Variants in DOK6 observed in about 807,000 individuals in gnomAD.
DOK6 encodes the protein docking protein 6.
A neutral mutation model predicts 44.0 loss-of-function variants in DOK6; 22 were observed. The ratio of observed to expected loss-of-function variants is 0.50; its 90% confidence interval spans 0.36 to 0.71. DOK6 has a LOEUF of 0.71. Among genes scored for constraint, DOK6 ranks in the 30% least tolerant of loss-of-function variants. The pLI is 0.00. For synonymous variants in DOK6, 166 were observed against 145.5 expected (o/e 1.14, Z -1.01); for missense variants, 340 against 416.4 (o/e 0.82, Z 1.60).
intron 2 of DOK6, among the ~76,000 whole-genome samples, chr18:69,598,728 A>G (rs987242499): frequency 6.6e-6 from 1 of 152,088 alleles, no homozygotes; most frequent in African/African-American, 2.4e-5. Context: ...ATCTTGTACC[A>G]ATAAGGAGTC....
At position 69,700,216 on chromosome 18, in the gene DOK6, CAT is replaced by C. The variant is rs61078235; in HGVS notation, c.599+1640_599+1641del. On this transcript the variant is annotated intron_variant, in intron 5 of 7. Transcript: ENST00000382713. ...TATCAGTTAGTTTTACATATATATA[CAT>C]ATATATATATATATATGAATTGAAT... Among the ~76,000 whole-genome samples, 111 of 124,706 alleles carry C rather than the reference CAT, an allele frequency of 8.9e-4. 3 individuals carry two copies. The highest frequency in any genetic ancestry group is 1.8e-3 in the African/African-American group (61 of 33,460). The allele number at this position is 124,706 out of a possible 152,430, so 81.8% of individuals were successfully genotyped here.
chr18:69,549,122 T>G (rs1032323071), intron 1 of DOK6, among the ~76,000 whole-genome samples: 3 of 149,548 alleles, frequency 2.0e-5, no homozygotes, highest in Non-Finnish European at 4.5e-5. Flanking sequence ...CAACAAAAAA[T>G]TTCTACCTTA....
At chr18:69,832,481 T>C (rs965788455) in intron 7 of DOK6, 9 of 149,052 alleles carry the variant, frequency 6.0e-5, no homozygotes, top group African/African-American at 2.2e-4. Flanking sequence ...TATTGGCCTG[T>C]AGTTTTCTCT....
chr18:69,482,521 A>G (rs1980456753), intron 1 of DOK6, among the ~76,000 whole-genome samples: 1 of 152,074 alleles, frequency 6.6e-6, no homozygotes, highest in Non-Finnish European at 1.5e-5. Flanking sequence ...TAGAACATTA[A>G]GTGTCCTCAT....
At chr18:69,528,020 G>A (rs960720290) in intron 1 of DOK6, among the ~76,000 whole-genome samples, 8 of 151,914 alleles carry the variant, frequency 5.3e-5, no homozygotes, top group African/African-American at 1.7e-4. Flanking sequence ...AAAATTAGCC[G>A]GGCATGATGG....
chr18:69,803,858 A>G (rs1230328531), intron 7 of DOK6, among the ~76,000 whole-genome samples: 1 of 152,132 alleles, frequency 6.6e-6, no homozygotes, highest in Non-Finnish European at 1.5e-5. Context: ...GCTCCGTCTC[A>G]AAAAAATATA....
At chr18:69,521,179 A>G (rs1399729006) in intron 1 of DOK6, among the ~76,000 whole-genome samples, 1 of 151,914 alleles carries the variant, frequency 6.6e-6, no homozygotes. Flanking sequence ...GTTCTTAAAC[A>G]TCTAGCATCT....
intron 1 of DOK6, among the ~76,000 whole-genome samples, chr18:69,459,648 T>C (rs1401940988): frequency 6.6e-6 from 1 of 152,352 alleles, no homozygotes; most frequent in East Asian, 1.9e-4. Context: ...CTTCTGTTTC[T>C]GTATTTATAT....
intron 3 of DOK6, among the ~76,000 whole-genome samples, chr18:69,615,834 AG>A (rs1321803542): frequency 6.6e-6 from 1 of 152,198 alleles, no homozygotes; most frequent in Non-Finnish European, 1.5e-5. Context: ...GGGGTATCAG[AG>A]AAATTGATGT....
intron 4 of DOK6, among the ~76,000 whole-genome samples, chr18:69,692,206 G>C (rs1321501150): frequency 2.0e-5 from 3 of 152,174 alleles, no homozygotes; most frequent in Non-Finnish European, 2.9e-5. Context: ...TGACCTGAAA[G>C]AAGAGGAGAA....
chr18:69,635,056 G>A (rs1984772288), intron 3 of DOK6, among the ~76,000 whole-genome samples: 1 of 152,154 alleles, frequency 6.6e-6, no homozygotes, highest in Non-Finnish European at 1.5e-5. Flanking sequence ...CCAGCCCCAG[G>A]TGGGCTCCAG....
At position 69,843,624 on chromosome 18, in the gene DOK6, T is replaced by C. The variant is rs1227203222; in HGVS notation, c.*2241T>C. The C allele has an allele frequency of 6.7e-6, 1 of 150,100 alleles. No individual in the cohort carries two copies. The highest frequency in any genetic ancestry group is 1.5e-5 in the Non-Finnish European group (1 of 66,616). 9.3% of individuals were successfully genotyped at this position (150,100 alleles called of 1,614,324 possible). A position where few individuals can be genotyped will look rare whatever the true frequency, so the allele number is the denominator to read the frequency against. ...AGATGAGTCTGCTCTTGTGTCTCTTTCTTAGGAGACAAATACCTGTATGTA... is the reference window on the plus strand; with the variant it reads ...AGATGAGTCTGCTCTTGTGTCTCTTCCTTAGGAGACAAATACCTGTATGTA... On this transcript the variant is annotated 3_prime_UTR_variant, in exon 8 of 8. Transcript: ENST00000382713.
At chr18:69,508,497 A>C (rs1358536935) in intron 1 of DOK6, among the ~76,000 whole-genome samples, 1 of 152,174 alleles carries the variant, frequency 6.6e-6, no homozygotes, top group Admixed American at 6.5e-5. Context: ...TTTGTTGGAA[A>C]GTTTTTAATT....
intron 1 of DOK6, among the ~76,000 whole-genome samples, chr18:69,528,078 G>T (rs1981883408): frequency 6.6e-6 from 1 of 150,630 alleles, no homozygotes; most frequent in Non-Finnish European, 1.5e-5. Context: ...CAGGAGAATG[G>T]CTTGAACCCG....
chr18:69,560,377 T>C (rs1045927399), intron 1 of DOK6, among the ~76,000 whole-genome samples: 4 of 151,636 alleles, frequency 2.6e-5, no homozygotes, highest in African/African-American at 9.7e-5. Flanking sequence ...GAGAGTAATT[T>C]TAGGAAAACC....
intron 1 of DOK6, among the ~76,000 whole-genome samples, chr18:69,499,387 T>C (rs1299762251): frequency 6.6e-6 from 1 of 152,184 alleles, no homozygotes; most frequent in Non-Finnish European, 1.5e-5. Context: ...ACAATATTCC[T>C]TACTGTGGAA....
chr18:69,499,415 G>T (rs1165980667), intron 1 of DOK6, among the ~76,000 whole-genome samples: 2 of 152,124 alleles, frequency 1.3e-5, no homozygotes, highest in African/African-American at 4.8e-5. Flanking sequence ...TAGAATTAGT[G>T]TGATAGAATT....
At chr18:69,426,080 G>A (rs966419498) in intron 1 of DOK6, among the ~76,000 whole-genome samples, 4 of 152,000 alleles carry the variant, frequency 2.6e-5, no homozygotes, top group Admixed American at 1.3e-4. Context: ...TTTTTCGTAT[G>A]TGTAGCTAGT....
chr18:69,601,835 TC>T (rs1244740033), intron 3 of DOK6, among the ~76,000 whole-genome samples: 28 of 152,246 alleles, frequency 1.8e-4, no homozygotes, highest in African/African-American at 6.7e-4. Flanking sequence ...GCCCAGAGCA[TC>T]TTGTAGTGCC....
Sources: allele counts gnomAD v4.1 joint callset (sites outside exome capture counted in the v4.1 genomes callset), GRCh38; gene constraint gnomAD v4.1.1; transcripts MANE v1.5; gene names NCBI Gene and HGNC (gene_info 2026-07-23, HGNC 2026-07-21).